The following MSR1 variants were observed in gnomAD, a reference collection of about 807,000 sequenced individuals.
MSR1 encodes macrophage scavenger receptor types I and II.
MSR1 carries 53 observed loss-of-function variants against 47.2 expected under a neutral mutation model. The ratio of observed to expected loss-of-function variants is 1.12; its 90% CI spans 0.90 to 1.41. The LOEUF (loss-of-function observed/expected upper bound fraction) is 1.41. Ranked by LOEUF, MSR1 falls within the 40% of genes most tolerant of loss-of-function variation. MSR1 has a pLI of 0.00. For missense variants in MSR1, 786 were observed against 546.9 expected (o/e 1.44, Z -4.36); for synonymous variants, 239 against 185.6 (o/e 1.29, Z -2.34).
At position 16,109,615 on chromosome 8, in the gene MSR1, A is replaced by C. The variant is rs1012805941; in HGVS notation, c.*470T>G. On this transcript the variant is annotated 3_prime_UTR_variant, in exon 10 of 10. Coordinates refer to ENST00000262101, the MANE Select transcript of MSR1 (RefSeq NM_138715.3). Reference sequence around the variant, plus strand: ...TTGGATAACATTCTTATTTTAAAACAATATGTGTGGATTGGAGATTTTGCA... The same window carrying C: ...TTGGATAACATTCTTATTTTAAAACCATATGTGTGGATTGGAGATTTTGCA... 1.1e-5 allele frequency: 2 copies of C among 174,270 alleles called. No individual in the cohort carries two copies. The highest frequency in any genetic ancestry group is 4.8e-5 in the African/African-American group (2 of 41,590). 10.8% of individuals were successfully genotyped at this position (174,270 alleles called of 1,614,324 possible).
chr8:16,187,582 G>A (rs996079201), intron 1 of MSR1, among the ~76,000 whole-genome samples: 6 of 151,760 alleles, frequency 4.0e-5, no homozygotes, highest in African/African-American at 1.5e-4. Context: ...GTGGACTTTT[G>A]ATCTCTTTGG....
intron 4 of MSR1, among the ~76,000 whole-genome samples, chr8:16,167,184 A>G (rs1037837261): frequency 6.6e-6 from 1 of 152,172 alleles, no homozygotes; most frequent in African/African-American, 2.4e-5. Flanking sequence ...AAACAGGTTC[A>G]AAATTTCTAC....
At chr8:16,143,841 A>G (rs1800627537) in intron 7 of MSR1, among the ~76,000 whole-genome samples, 1 of 152,084 alleles carries the variant, frequency 6.6e-6, no homozygotes. Flanking sequence ...TAAATGCCCC[A>G]TTTTCCTAAA....
In MSR1 at chr8:16,192,420, G is replaced by A. The variant is rs913935481; in HGVS notation, c.-5+178C>T. On this transcript the variant is annotated intron_variant, in intron 1 of 9. Transcript: ENST00000262101. ...CAGAAATCCCTATTTTTTGATTATCGAAAAAAACCAAACCAAATTATTGCT... is the reference window on the plus strand; with the variant it reads ...CAGAAATCCCTATTTTTTGATTATCAAAAAAAACCAAACCAAATTATTGCT... 5.3e-5 allele frequency among the ~76,000 whole-genome samples: 8 copies of A among 151,136 alleles called. No homozygotes were observed. In the East Asian group the frequency reaches 5.8e-4, roughly 11 times the overall value.
At chr8:16,166,967 A>ACG (rs1401368978) in intron 4 of MSR1, among the ~76,000 whole-genome samples, 18 of 151,504 alleles carry the variant, frequency 1.2e-4, no homozygotes, top group African/African-American at 4.1e-4. Context: ...ACACACACAC[A>ACG]CATGCACGCA....
In MSR1 at chr8:16,147,576, A is replaced by G. The variant is rs915875531; in HGVS notation, c.979+2655T>C. 7.2e-5 allele frequency among the ~76,000 whole-genome samples: 11 copies of G among 152,156 alleles called. 1 individual carries two copies. The highest frequency in any genetic ancestry group is 6.6e-4 in the Admixed American group (10 of 15,266). On this transcript the variant is annotated intron_variant, in intron 7 of 9. Transcript: ENST00000262101. ...CAAATTGGGGTCTTAGCTCTGAAAT[A>G]TATTACTTTATCTATCACGGACCTG...
At chr8:16,124,936 A>G (rs1025292148) in intron 8 of MSR1, among the ~76,000 whole-genome samples, 3 of 152,204 alleles carry the variant, frequency 2.0e-5, no homozygotes, top group South Asian at 2.1e-4. Context: ...TTAATATTTC[A>G]TAAGTCTTCA....
chr8:16,132,746 A>T (rs1404625913), intron 8 of MSR1, among the ~76,000 whole-genome samples: 1 of 152,116 alleles, frequency 6.6e-6, no homozygotes, highest in Non-Finnish European at 1.5e-5. Context: ...CAGCCTCCCA[A>T]AGTAGATGCC....
rs560738552 is a variant in MSR1 at position 16,154,492 on chromosome 8, T to C, written c.898+572A>G. On this transcript the variant is annotated intron_variant, in intron 6 of 9. Transcript: ENST00000262101. ...CTCTTAGTAAAGCACAGAGAGTGAC[T>C]GTCAGCAAGGTAAGTGTCATCCATA... is the stretch of plus-strand genomic sequence containing the variant. Among the ~76,000 whole-genome samples the C allele has an allele frequency of 5.2e-4, 79 of 152,182 alleles. No individual in the cohort carries two copies. The Middle Eastern group carries it at 0.01, about 20-fold the overall frequency.
intron 8 of MSR1, chr8:16,140,476 T>A (rs1043161137): frequency 1.1e-5 from 11 of 989,326 alleles, no homozygotes; most frequent in Middle Eastern, 1.0e-3. Flanking sequence ...GTAGTCTCAT[T>A]GCGCATGAGC....
rs948195325 is a variant in MSR1 at position 16,108,706 on chromosome 8, T to C, written c.*1379A>G. The C allele has an allele frequency of 3.9e-4, 60 of 152,146 alleles. No homozygotes were observed. Among genetic ancestry groups the C allele is most frequent in the African/African-American group, 1.4e-3 (59 of 41,448 alleles). The allele number at this position is 152,146 out of a possible 1,614,324, so 9.4% of individuals were successfully genotyped here. On this transcript the variant is annotated 3_prime_UTR_variant, in exon 10 of 10. Coordinates refer to ENST00000262101, the MANE Select transcript of MSR1 (RefSeq NM_138715.3). ...GTAGAAGAATGTTACATGATAAAAA[T>C]GCATTTTCAGTAGGCTGTTTACAGT...
chr8:16,172,776 A>G (rs1801522585), intron 3 of MSR1, among the ~76,000 whole-genome samples: 1 of 152,116 alleles, frequency 6.6e-6, no homozygotes, highest in Non-Finnish European at 1.5e-5. Context: ...TTAAGAAAAG[A>G]TTGTAAATGG....
chr8:16,150,311 C>T lies in MSR1; in HGVS notation c.899G>A (p.Gly300Asp). Residue 300 changes from glycine to aspartate, a missense_variant and splice_region_variant, in exon 7 of 10, where the codon GGT (glycine) becomes GAT (aspartate). Gly to Asp is a moderately conservative substitution (Grantham distance 94, BLOSUM62 -1). Transcript: ENST00000262101. ...SGPRGFPGPI[G>D]PPGLKGDRGA... ...CCGATCACCTTTAAGACCCGGAGGACCTACATTATTAACGAAGAAAAAAAG... is the reference window on the plus strand; with the variant it reads ...CCGATCACCTTTAAGACCCGGAGGATCTACATTATTAACGAAGAAAAAAAG... The T allele has an allele frequency of 1.3e-6, 2 of 1,552,396 alleles. No homozygotes were observed. Among genetic ancestry groups the T allele is most frequent in the Non-Finnish European group, 1.7e-6 (2 of 1,143,578 alleles).
At chr8:16,175,392 C>T (rs182569900) in intron 2 of MSR1, 92 bp from the exon 3 acceptor site, 19 of 1,035,648 alleles carry the variant, frequency 1.8e-5, no homozygotes, top group African/African-American at 3.2e-5. Context: ...ATTCTTACTA[C>T]CAAGCCTATT....
rs1161440023 is a variant in MSR1 at position 16,109,857 on chromosome 8, A to AT, written c.*227dup. 1 of 567,268 alleles carries AT rather than the reference A, an allele frequency of 1.8e-6. No homozygotes were observed. The highest frequency in any genetic ancestry group is 1.9e-5 in the African/African-American group (1 of 53,292). 35.1% of individuals were successfully genotyped at this position (567,268 alleles called of 1,614,324 possible). A position where few individuals can be genotyped will look rare whatever the true frequency, so the allele number is the denominator to read the frequency against. On this transcript the variant is annotated 3_prime_UTR_variant, in exon 10 of 10. Coordinates refer to ENST00000262101, the MANE Select transcript of MSR1 (RefSeq NM_138715.3). ...AAATGTTCAATTCAGCATATAAGTC[A>AT]TTATATTAGAAAATTCCATTTAAAA...
chr8:16,151,413 T>C (rs73665221), intron 6 of MSR1, among the ~76,000 whole-genome samples: 6,117 of 152,170 alleles, frequency 0.04, 437 homozygotes, highest in African/African-American at 0.14. Flanking sequence ...CCTCTGTTCT[T>C]GGAGATGGTT....
At chr8:16,180,902 T>C (rs985956348) in intron 1 of MSR1, among the ~76,000 whole-genome samples, 3 of 152,136 alleles carry the variant, frequency 2.0e-5, no homozygotes, top group African/African-American at 4.8e-5. Context: ...CTGACCACTG[T>C]GGAGAAAGGG....
rs1265190320 is a variant in MSR1, at chr8:16,172,675, T to TTA, written c.217+2510_217+2511dup. Among the ~76,000 whole-genome samples the TTA allele has an allele frequency of 4.6e-5, 7 of 152,040 alleles. No homozygotes were observed. The South Asian group carries it at 6.2e-4, about 14-fold the overall frequency. On this transcript the variant is annotated intron_variant, in intron 3 of 9. Coordinates refer to ENST00000262101, the MANE Select transcript of MSR1 (RefSeq NM_138715.3). ...GAATTTTTAGTATTTCAGTAACAAT[T>TTA]TATATATATATACATAAATTCTTGA... is the stretch of plus-strand genomic sequence containing the variant.
chr8:16,191,646 C>A (rs1197754254), intron 1 of MSR1, among the ~76,000 whole-genome samples: 2 of 152,014 alleles, frequency 1.3e-5, no homozygotes, highest in African/African-American at 4.8e-5. Flanking sequence ...AGTTACTCAA[C>A]TAGGGAGCAG....
Sources: gnomAD v4.1 joint callset for allele counts (sites outside exome capture counted in the v4.1 genomes callset) on GRCh38, gnomAD v4.1.1 for gene constraint, MANE v1.5 for transcripts, NCBI Gene and HGNC (gene_info 2026-07-23, HGNC 2026-07-21) for gene names.